Variants in ADK observed in about 807,000 individuals in gnomAD.
ADK encodes N6,N6-dimethyladenosine kinase.
Under a neutral mutation model 44.7 loss-of-function variants are expected in ADK, and 24 were observed. That is an observed-to-expected ratio of 0.54 (90% CI 0.39 to 0.76). The LOEUF is 0.76. Among genes scored for constraint, ADK ranks in the 30% least tolerant of loss-of-function variants. The pLI is 0.00. For synonymous variants in ADK, 128 were observed against 142.6 expected (o/e 0.90, Z 0.73); for missense variants, 321 against 425.1 (o/e 0.76, Z 2.15).
chr10:74,430,819 C>T (rs1844958334), intron 6 of ADK, among the ~76,000 whole-genome samples: 1 of 151,712 alleles, frequency 6.6e-6, no homozygotes, highest in African/African-American at 2.4e-5. Flanking sequence ...AGGGAACAAG[C>T]ACAGAGGCCT....
intron 7 of ADK, among the ~76,000 whole-genome samples, chr10:74,543,471 A>G (rs904450950): frequency 2.0e-5 from 3 of 152,340 alleles, no homozygotes; most frequent in Admixed American, 6.5e-5. Context: ...CAATCTTTCA[A>G]TGAATAATCT....
intron 4 of ADK, among the ~76,000 whole-genome samples, chr10:74,359,095 A>G (rs1391521873): frequency 6.6e-6 from 1 of 152,040 alleles, no homozygotes; most frequent in African/African-American, 2.4e-5. Context: ...TAAGTCTTTC[A>G]TCCATTTTGA....
At chr10:74,522,066 A>C (rs1051199349) in intron 6 of ADK, among the ~76,000 whole-genome samples, 2 of 152,196 alleles carry the variant, frequency 1.3e-5, no homozygotes, top group Non-Finnish European at 2.9e-5. Flanking sequence ...CGCAAGGGTC[A>C]TGACTGAACC....
At chr10:74,232,560 C>CCA (rs1491270336) in intron 3 of ADK, among the ~76,000 whole-genome samples, 2 of 105,360 alleles carry the variant, frequency 1.9e-5, no homozygotes, top group Non-Finnish European at 3.8e-5. Context: ...CCCCCCCCCC[C>CCA]AAAAAAAAAC....
intron 7 of ADK, among the ~76,000 whole-genome samples, chr10:74,537,451 G>A (rs941284764): frequency 1.3e-5 from 2 of 152,184 alleles, no homozygotes; most frequent in Non-Finnish European, 1.5e-5. Flanking sequence ...TCACACGAAA[G>A]CAGCTTAATA....
chr10:74,361,052 C>T (rs1050582516), intron 4 of ADK, among the ~76,000 whole-genome samples: 26 of 152,064 alleles, frequency 1.7e-4, no homozygotes, highest in Admixed American at 1.3e-3. Flanking sequence ...GGACTACAGG[C>T]GTGCACCACC....
chr10:74,442,401 T>C lies in ADK; in HGVS notation c.555+43822T>C, dbSNP rs573465697. ...TGGCTCATGCCCGTAATCCCAGCAC[T>C]GTGGAAGGCCGAAGTGGGCGGATCA... On this transcript the variant is annotated intron_variant, in intron 6 of 10. Transcript: ENST00000539909. Among the ~76,000 whole-genome samples, 6 of 152,276 alleles carry C rather than the reference T, an allele frequency of 3.9e-5. No homozygotes were observed. In the South Asian group the frequency reaches 1.2e-3, roughly 32 times the overall value.
chr10:74,464,364 T>C (rs1200006983), intron 6 of ADK, among the ~76,000 whole-genome samples: 2 of 150,712 alleles, frequency 1.3e-5, no homozygotes, highest in African/African-American at 2.4e-5. Flanking sequence ...CTGGGCAACA[T>C]AGGGAGACCC....
At chr10:74,241,325 C>T (rs1362977915) in intron 3 of ADK, among the ~76,000 whole-genome samples, 5 of 152,302 alleles carry the variant, frequency 3.3e-5, no homozygotes. Flanking sequence ...TTTTCAGCAT[C>T]CCCCACCAGA....
intron 10 of ADK, among the ~76,000 whole-genome samples, chr10:74,699,479 A>G (rs1589380422): frequency 1.3e-5 from 2 of 152,130 alleles, no homozygotes; most frequent in Admixed American, 6.6e-5. Flanking sequence ...GGAGTTCAAG[A>G]CCAGCCTGGC....
At chr10:74,579,884 T>C (rs987803133) in intron 7 of ADK, among the ~76,000 whole-genome samples, 1 of 152,168 alleles carries the variant, frequency 6.6e-6, no homozygotes, top group African/African-American at 2.4e-5. Flanking sequence ...TAATAGTTTA[T>C]AGCCCCAATA....
At chr10:74,694,147 A>ATTATT (rs1856087259) in intron 10 of ADK, among the ~76,000 whole-genome samples, 1 of 82,304 alleles carries the variant, frequency 1.2e-5, no homozygotes, top group Non-Finnish European at 2.1e-5. Context: ...TTTCAAACAC[A>ATTATT]TTTTTTTTTT....
chr10:74,488,630 A>ATTCTTCTCCTC (rs6143984), intron 6 of ADK, among the ~76,000 whole-genome samples: 1 of 150,018 alleles, frequency 6.7e-6, no homozygotes, highest in African/African-American at 2.5e-5. Context: ...AGATAGCAGG[A>ATTCTTCTCCTC]TTAAAGAAAA....
intron 3 of ADK, among the ~76,000 whole-genome samples, chr10:74,231,731 G>C (rs534313425): frequency 1.4e-5 from 2 of 145,116 alleles, no homozygotes; most frequent in South Asian, 4.5e-4. Flanking sequence ...CTCCCAAAGG[G>C]CTGGGATTAC....
chr10:74,232,031 T>C (rs749008680), intron 3 of ADK, among the ~76,000 whole-genome samples: 10 of 150,720 alleles, frequency 6.6e-5, no homozygotes, highest in Admixed American at 6.6e-5. Flanking sequence ...AAAACTAGAG[T>C]TGATTGAGAT....
At chr10:74,226,465 T>TA in intron 3 of ADK, among the ~76,000 whole-genome samples, 1 of 152,346 alleles carries the variant, frequency 6.6e-6, no homozygotes, top group South Asian at 2.1e-4. Context: ...CCCATATATT[T>TA]ACCACCAAGG....
intron 6 of ADK, among the ~76,000 whole-genome samples, chr10:74,431,851 C>T (rs1845011747): frequency 6.6e-6 from 1 of 151,726 alleles, no homozygotes; most frequent in Admixed American, 6.6e-5. Context: ...TAGTAGGGAC[C>T]TGAAAAAATT....
At chr10:74,240,086 C>T (rs556552548) in intron 3 of ADK, among the ~76,000 whole-genome samples, 1 of 151,736 alleles carries the variant, frequency 6.6e-6, no homozygotes, top group South Asian at 2.1e-4. Context: ...ACGATCTGAG[C>T]TCACTGCAAC....
chr10:74,525,997 T>C (rs1250851861), intron 7 of ADK, among the ~76,000 whole-genome samples: 1 of 152,116 alleles, frequency 6.6e-6, no homozygotes, highest in Non-Finnish European at 1.5e-5. Flanking sequence ...GATTTACTTA[T>C]AGTAAGAGTC....
Sources: gnomAD v4.1 joint callset for allele counts (sites outside exome capture counted in the v4.1 genomes callset) on GRCh38, gnomAD v4.1.1 for gene constraint, MANE v1.5 for transcripts, NCBI Gene and HGNC (gene_info 2026-07-23, HGNC 2026-07-21) for gene names.